The following ATF7 variants were observed in gnomAD, a reference collection of about 807,000 sequenced individuals.
The protein encoded by ATF7 is activating transcription factor 7.
Under a neutral mutation model 50.4 loss-of-function variants are expected in ATF7, and 10 were observed. That is an observed-to-expected ratio of 0.20 (90% CI 0.12 to 0.34). The LOEUF (loss-of-function observed/expected upper bound fraction) is 0.34, where lower values mean the gene tolerates loss of function less well. Ranked by LOEUF, ATF7 falls within the 10% of genes least tolerant of loss-of-function variation. The pLI is 1.00. For synonymous variants in ATF7, 201 were observed against 226.4 expected, an observed-to-expected ratio of 0.89 and a Z score of 1.01; for missense variants, 465 against 613.9, an observed-to-expected ratio of 0.76 and a Z score of 2.56.
At position 53,571,503 on chromosome 12, in the gene ATF7, A is replaced by AT. The variant is rs534509480; in HGVS notation, c.49-18867dup. 6.6e-5 allele frequency among the ~76,000 whole-genome samples: 10 copies of AT among 152,064 alleles called. No homozygotes were observed. The East Asian group carries it at 9.6e-4, about 15-fold the overall frequency. ...ATAACCACAAACCACTGTAACCAGC[A>AT]TTTTTTTAAAAGGGAAAGCCAGGCA... is the stretch of plus-strand genomic sequence containing the variant. On this transcript the variant is annotated intron_variant, in intron 2 of 11. Transcript: ENST00000420353.
At position 53,576,903 on chromosome 12, in the gene ATF7, A is replaced by G. The variant is rs181779641; in HGVS notation, c.48+24050T>C. Among the ~76,000 whole-genome samples, 5 of 152,218 alleles carry G rather than the reference A, an allele frequency of 3.3e-5. No homozygotes were observed. The East Asian group carries it at 9.7e-4, about 29-fold the overall frequency. ...AACCCCCGTCTCTACTAAAAATACA[A>G]AAGTTAGTCGGGCATGGTTGCGCAA... On this transcript the variant is annotated intron_variant, in intron 2 of 11. Transcript: ENST00000420353.
intron 2 of ATF7, among the ~76,000 whole-genome samples, chr12:53,584,655 G>T (rs1942592021): frequency 6.6e-6 from 1 of 152,144 alleles, no homozygotes; most frequent in African/African-American, 2.4e-5. Flanking sequence ...CCTTCAGCAG[G>T]TGAATGGATA....
intron 1 of ATF7, among the ~76,000 whole-genome samples, chr12:53,617,124 G>C (rs1247954): frequency 6.6e-6 from 1 of 152,016 alleles, no homozygotes; most frequent in African/African-American, 2.4e-5. Context: ...CTGAGCTGAA[G>C]CAATCCTCCC....
intron 9 of ATF7, among the ~76,000 whole-genome samples, chr12:53,526,845 G>A (rs1351608255): frequency 7.0e-6 from 1 of 143,188 alleles, no homozygotes; most frequent in Non-Finnish European, 1.5e-5. Context: ...AGCAACACTC[G>A]GTCTCTAAAA....
chr12:53,584,202 G>A (rs1227934974), intron 2 of ATF7, among the ~76,000 whole-genome samples: 1 of 152,066 alleles, frequency 6.6e-6, no homozygotes, highest in Non-Finnish European at 1.5e-5. Context: ...GGCTCTTCTC[G>A]AACTCCTGAC....
At position 53,600,968 on chromosome 12, in the gene ATF7, G is replaced by T. The variant is rs1020930534; in HGVS notation, c.33C>A (p.Ala11=). ...GTAAACGTACCTGTCCACAGCCCGG[G>T]GCATTGCACACAAACGGTCTGTCGT... MGDDRPFVCN[A]PGCGQRFTNE... Residue 11 remains alanine, a synonymous_variant, in exon 2 of 12, where the codon GCC becomes GCA. Coordinates refer to ENST00000420353, the MANE Select transcript of ATF7 (RefSeq NM_006856.3). 1 of 1,613,408 alleles carries T rather than the reference G, an allele frequency of 6.2e-7. No homozygotes were observed. Among genetic ancestry groups the T allele is most frequent in the African/African-American group, 1.3e-5 (1 of 74,842 alleles).
intron 2 of ATF7, among the ~76,000 whole-genome samples, chr12:53,576,271 G>A (rs910014397): frequency 8.5e-5 from 13 of 152,066 alleles, no homozygotes; most frequent in East Asian, 1.9e-4. Context: ...CTCCTTAGAC[G>A]GCACAGCAGT....
chr12:53,625,784 C>A (rs1944580700), intron 1 of ATF7, among the ~76,000 whole-genome samples: 1 of 152,168 alleles, frequency 6.6e-6, no homozygotes, highest in Non-Finnish European at 1.5e-5. Flanking sequence ...AGCTCCTAAT[C>A]CCACTCTTTG....
rs55904354 is a variant in ATF7, at chr12:53,587,366, C to CA, written c.48+13586dup. Among the ~76,000 whole-genome samples, 563 of 62,276 alleles carry CA rather than the reference C, an allele frequency of 9.0e-3. 23 individuals are homozygous for CA. The highest frequency in any genetic ancestry group is 0.023 in the East Asian group (11 of 488). 40.9% of individuals were successfully genotyped at this position (62,276 alleles called of 152,430 possible). ...TGGGTGACAGAGCGAAATTCCGCATCAAAAAAAAAAAAAAAAAGAAGGAAA... is the reference window on the plus strand; with the variant it reads ...TGGGTGACAGAGCGAAATTCCGCATCAAAAAAAAAAAAAAAAAAGAAGGAAA... On this transcript the variant is annotated intron_variant, in intron 2 of 11. Transcript: ENST00000420353.
chr12:53,582,341 A>C (rs2137707843), intron 2 of ATF7, among the ~76,000 whole-genome samples: 1 of 151,206 alleles, frequency 6.6e-6, no homozygotes, highest in Admixed American at 6.6e-5. Context: ...AAAAAAAAAA[A>C]AAACCTACTA....
intron 1 of ATF7, among the ~76,000 whole-genome samples, chr12:53,618,940 T>A (rs368467850): frequency 1.3e-5 from 2 of 151,366 alleles, no homozygotes; most frequent in East Asian, 1.9e-4. Flanking sequence ...TAGTCCCAGC[T>A]ACTTGGGAGG....
chr12:53,614,038 T>C (rs1164515702), intron 1 of ATF7, among the ~76,000 whole-genome samples: 2 of 152,052 alleles, frequency 1.3e-5, no homozygotes, highest in Non-Finnish European at 1.5e-5. Context: ...AGCAAATGAC[T>C]GAAAACAGAT....
At chr12:53,574,853 G>T (rs1175568906) in intron 2 of ATF7, 1 of 341,404 alleles carries the variant, frequency 2.9e-6, no homozygotes, top group Non-Finnish European at 5.6e-6. Flanking sequence ...TATATTAAAA[G>T]AAATAGTAAA....
chr12:53,569,155 G>A (rs1565962097), intron 2 of ATF7, among the ~76,000 whole-genome samples: 1 of 152,156 alleles, frequency 6.6e-6, no homozygotes, highest in South Asian at 2.1e-4. Context: ...CTGGGCGACA[G>A]AGGAGGGCTC....
chr12:53,542,471 G>C (rs180963286), intron 4 of ATF7, among the ~76,000 whole-genome samples: 1 of 151,348 alleles, frequency 6.6e-6, no homozygotes, highest in East Asian at 2.0e-4. Context: ...CTGTCACCCA[G>C]GCTGGAGCAC....
At chr12:53,613,903 C>A (rs147824874) in intron 1 of ATF7, among the ~76,000 whole-genome samples, 9 of 151,388 alleles carry the variant, frequency 5.9e-5, no homozygotes, top group African/African-American at 2.2e-4. Flanking sequence ...AAGAAATACA[C>A]AAGCAGTAGA....
chr12:53,523,376 G>A lies in ATF7; in HGVS notation c.1134C>T (p.Val378=). ...TSQNIQLSNE[V]TLLRNEVAQL... ...GGGCCACCTCATTGCGTAGTAATGT[G>A]ACTTCATTCTGAGGAGGGAGGGAAG... Residue 378 remains valine (V), a synonymous_variant, in exon 11 of 12, where the codon GTC becomes GTT. Coordinates refer to ENST00000420353, the MANE Select transcript of ATF7 (RefSeq NM_006856.3). 6.2e-7 allele frequency: 1 copy of A among 1,612,036 alleles called. No individual in the cohort carries two copies. The highest frequency in any genetic ancestry group is 8.5e-7 in the Non-Finnish European group (1 of 1,178,196).
intron 2 of ATF7, among the ~76,000 whole-genome samples, chr12:53,592,603 T>C (rs1435621548): frequency 6.6e-6 from 1 of 152,154 alleles, no homozygotes; most frequent in Non-Finnish European, 1.5e-5. Context: ...AAAAGAAAAC[T>C]AGGCTTGACA....
At chr12:53,547,430 T>TGA (rs1940018132) in intron 3 of ATF7, among the ~76,000 whole-genome samples, 1 of 151,664 alleles carries the variant, frequency 6.6e-6, no homozygotes, top group African/African-American at 2.4e-5. Flanking sequence ...GGATTTCAGG[T>TGA]GTGCACCACC....
Sources: gnomAD v4.1 joint callset for allele counts (sites outside exome capture counted in the v4.1 genomes callset) on GRCh38, gnomAD v4.1.1 for gene constraint, MANE v1.5 for transcripts, NCBI Gene and HGNC (gene_info 2026-07-23, HGNC 2026-07-21) for gene names.